Variants in IDE observed in about 807,000 individuals in gnomAD.
The protein encoded by IDE is insulin degrading enzyme, also known as insulin-degrading enzyme.
In IDE, 58 loss-of-function variants were observed where a neutral mutation model predicts 133.2. That is an observed-to-expected ratio of 0.44 (90% CI 0.35 to 0.54). The LOEUF is 0.54. Ranked by LOEUF, IDE falls within the 20% of genes least tolerant of loss-of-function variation. The probability of loss-of-function intolerance (pLI) is 0.00; values close to 1 mark genes in which losing one functional copy is unlikely to be tolerated. For synonymous variants in IDE, 396 were observed against 421.3 expected, an observed-to-expected ratio of 0.94 and a Z score of 0.73; for missense variants, 981 against 1,234.0, an observed-to-expected ratio of 0.79 and a Z score of 3.07.
intron 1 of IDE, among the ~76,000 whole-genome samples, chr10:92,549,745 C>T (rs1285343756): frequency 6.6e-6 from 1 of 151,616 alleles, no homozygotes; most frequent in Non-Finnish European, 1.5e-5. Flanking sequence ...CAATAAACCC[C>T]TTATATAGAT....
Position 92,457,204 on chromosome 10 carries a change from C to G in IDE, c.2824-773G>C, listed in dbSNP as rs77304840. ...ACAATGGTCTGAGCTTAGTCAGGGA[C>G]AAGCACGAGTGCCTGCTCCTCTAAG... On this transcript the variant is annotated intron_variant, in intron 22 of 24. Transcript: ENST00000265986. 1.9e-3 allele frequency among the ~76,000 whole-genome samples: 290 copies of G among 152,264 alleles called. 1 individual carries two copies. The highest frequency in any genetic ancestry group is 3.3e-3 in the Non-Finnish European group (224 of 68,032).
chr10:92,489,533 A>T lies in IDE; in HGVS notation c.1533+960T>A, dbSNP rs188455811. ...CACAGCGAGATTCCATCTCAAAAAA[A>T]AAAATAAAATTCCCATTCAGGGCAG... On this transcript the variant is annotated intron_variant, in intron 12 of 24. Transcript: ENST00000265986. Among the ~76,000 whole-genome samples the T allele has an allele frequency of 4.6e-3, 695 of 152,282 alleles. 8 individuals carry two copies. Among genetic ancestry groups the T allele is most frequent in the Non-Finnish European group, 3.9e-3 (262 of 68,032 alleles).
intron 20 of IDE, 120 bp downstream of exon 20, chr10:92,465,556 G>A: frequency 1.2e-6 from 1 of 820,902 alleles, no homozygotes; most frequent in African/African-American, 1.7e-5. Context: ...GTTTTCTCAA[G>A]TCTCTCTAAG....
At chr10:92,491,205 TCTAG>T (rs1847320411) in intron 11 of IDE, among the ~76,000 whole-genome samples, 2 of 151,226 alleles carry the variant, frequency 1.3e-5, no homozygotes, top group South Asian at 2.1e-4. Context: ...ACCACTGCAC[TCTAG>T]CATGGGTGAC....
chr10:92,524,875 A>G (rs1849541170), intron 4 of IDE, among the ~76,000 whole-genome samples: 1 of 152,082 alleles, frequency 6.6e-6, no homozygotes, highest in Non-Finnish European at 1.5e-5. Flanking sequence ...AGATGGCACC[A>G]CTGTACTCCA....
chr10:92,496,644 G>C (rs1189100009), intron 11 of IDE, among the ~76,000 whole-genome samples: 1 of 152,166 alleles, frequency 6.6e-6, no homozygotes, highest in African/African-American at 2.4e-5. Flanking sequence ...AAATTAGCCA[G>C]GTGTGGTAGT....
intron 21 of IDE, among the ~76,000 whole-genome samples, chr10:92,463,302 T>C (rs1430880591): frequency 1.3e-5 from 2 of 152,068 alleles, no homozygotes; most frequent in Non-Finnish European, 2.9e-5. Context: ...GAGTGAAAAA[T>C]CTTTGGAGAT....
At chr10:92,570,423 AAACT>A (rs1344109851) in intron 1 of IDE, among the ~76,000 whole-genome samples, 9 of 152,200 alleles carry the variant, frequency 5.9e-5, no homozygotes, top group South Asian at 4.1e-4. Context: ...AATAATGTCT[AAACT>A]AACAGAACAG....
chr10:92,561,307 T>C (rs186053057), intron 1 of IDE, among the ~76,000 whole-genome samples: 1 of 151,996 alleles, frequency 6.6e-6, no homozygotes, highest in South Asian at 2.1e-4. Flanking sequence ...AACTCAGCAG[T>C]AGCACAGCTG....
chr10:92,561,623 G>A (rs1288086898), intron 1 of IDE, among the ~76,000 whole-genome samples: 5 of 151,612 alleles, frequency 3.3e-5, no homozygotes, highest in African/African-American at 9.7e-5. Context: ...TTAGCTGGGC[G>A]TGGTGGTGGG....
intron 13 of IDE, among the ~76,000 whole-genome samples, chr10:92,485,087 T>C (rs965151557): frequency 6.6e-6 from 1 of 151,338 alleles, no homozygotes; most frequent in Admixed American, 6.6e-5. Flanking sequence ...GAGATAATAA[T>C]TGTTGTGGGT....
At chr10:92,467,068 T>G (rs1303154392) in intron 19 of IDE, among the ~76,000 whole-genome samples, 1 of 152,040 alleles carries the variant, frequency 6.6e-6, no homozygotes, top group Non-Finnish European at 1.5e-5. Flanking sequence ...TCCTTTATAA[T>G]GCTTGAAAAT....
chr10:92,563,045 G>A (rs772396347), intron 1 of IDE, among the ~76,000 whole-genome samples: 3 of 152,174 alleles, frequency 2.0e-5, no homozygotes, highest in African/African-American at 2.4e-5. Context: ...GAAGTCAGGC[G>A]TTCGAGACCA....
chr10:92,509,931 A>C, intron 6 of IDE, 119 bp downstream of exon 6: 1 of 555,306 alleles, frequency 1.8e-6, no homozygotes, highest in South Asian at 2.4e-5. Context: ...CAAAAAAAAA[A>C]AAAAAAAACA....
In IDE at chr10:92,552,412, C is replaced by T. The variant is rs542193598; in HGVS notation, c.99-14862G>A. On this transcript the variant is annotated intron_variant, in intron 1 of 24. Transcript: ENST00000265986. ...TAAGTTGGAATCAAAGGTATCAATA[C>T]AAACTTATATTTTTATTATATACAA... Among the ~76,000 whole-genome samples, 10 of 152,254 alleles carry T rather than the reference C, an allele frequency of 6.6e-5. No homozygotes were observed. The East Asian group carries it at 1.5e-3, about 24-fold the overall frequency.
intron 1 of IDE, among the ~76,000 whole-genome samples, chr10:92,563,537 G>A (rs1386462076): frequency 6.6e-6 from 1 of 150,832 alleles, no homozygotes; most frequent in African/African-American, 2.4e-5. Flanking sequence ...CAGATAACAA[G>A]GTCAAGAGAT....
At chr10:92,567,139 C>A (rs1378355455) in intron 1 of IDE, among the ~76,000 whole-genome samples, 1 of 152,160 alleles carries the variant, frequency 6.6e-6, no homozygotes, top group Non-Finnish European at 1.5e-5. Context: ...TAACAGCCAG[C>A]CCAAAAGTGC....
chr10:92,467,820 T>C (rs1845771711), intron 19 of IDE, among the ~76,000 whole-genome samples: 1 of 152,228 alleles, frequency 6.6e-6, no homozygotes, highest in South Asian at 2.1e-4. Flanking sequence ...TGATGACTGG[T>C]CATGCACAAC....
chr10:92,496,330 G>A (rs1388093093), intron 11 of IDE, among the ~76,000 whole-genome samples: 1 of 152,206 alleles, frequency 6.6e-6, no homozygotes, highest in Non-Finnish European at 1.5e-5. Context: ...TAGGACACAT[G>A]ACCTATAGCA....
Sources: allele counts gnomAD v4.1 joint callset (sites outside exome capture counted in the v4.1 genomes callset), GRCh38; gene constraint gnomAD v4.1.1; transcripts MANE v1.5; gene names NCBI Gene and HGNC (gene_info 2026-07-23, HGNC 2026-07-21).